Variants in MGST1 observed in about 807,000 individuals in gnomAD.
The protein encoded by MGST1 is glutathione S-transferase 12.
Under a neutral mutation model 8.9 loss-of-function variants are expected in MGST1, and 5 were observed. The observed-to-expected ratio is 0.56, with a 90% confidence interval of 0.29 to 1.19. MGST1 has a LOEUF of 1.19. Ranked by LOEUF, MGST1 falls within the 50% of genes most tolerant of loss-of-function variation. MGST1 has a pLI of 0.08. For synonymous variants in MGST1, 54 were observed against 67.8 expected (o/e 0.80, Z 1.00); for missense variants, 182 against 187.4 (o/e 0.97, Z 0.17).
chr12:16,508,408 C>A (rs1212689805), intron 4 of MGST1, among the ~76,000 whole-genome samples: 1 of 152,128 alleles, frequency 6.6e-6, no homozygotes, highest in Non-Finnish European at 1.5e-5. Flanking sequence ...TAGCGATGGT[C>A]TCTGTCAGCC....
intron 4 of MGST1, among the ~76,000 whole-genome samples, chr12:16,469,178 C>CCT (rs1941275378): frequency 1.3e-5 from 1 of 77,520 alleles, no homozygotes; most frequent in Non-Finnish European, 2.3e-5. Flanking sequence ...TGCTCTATTC[C>CCT]TTTTTTTTTT....
At chr12:16,590,908 A>C (rs1265954728), downstream of MGST1, among the ~76,000 whole-genome samples, 1 of 152,048 alleles carries the variant, frequency 6.6e-6, no homozygotes, top group Admixed American at 6.6e-5. Context: ...ACTTAATCAC[A>C]CAGGGTCATC....
chr12:16,554,489 C>T (rs1476826884), intron 4 of MGST1, among the ~76,000 whole-genome samples: 2 of 152,148 alleles, frequency 1.3e-5, no homozygotes, highest in African/African-American at 2.4e-5. Context: ...TGTACTCATT[C>T]CTCCACTATA....
At chr12:16,526,361 C>T (rs569471797) in intron 4 of MGST1, among the ~76,000 whole-genome samples, 1 of 152,042 alleles carries the variant, frequency 6.6e-6, no homozygotes, top group African/African-American at 2.4e-5. Flanking sequence ...AAACAAAGCT[C>T]TCCTGACCCC....
intron 4 of MGST1, among the ~76,000 whole-genome samples, chr12:16,543,982 A>G (rs961261569): frequency 1.3e-5 from 2 of 152,086 alleles, no homozygotes; most frequent in Admixed American, 1.3e-4. Context: ...TCAGTGTCCA[A>G]CTAGTGTAAA....
intron 4 of MGST1, among the ~76,000 whole-genome samples, chr12:16,570,154 T>G (rs1430361221): frequency 6.6e-6 from 1 of 152,204 alleles, no homozygotes; most frequent in Non-Finnish European, 1.5e-5. Context: ...TTTTTTGTGA[T>G]AGTCTATTCT....
intron 2 of MGST1, chr12:16,354,786 A>T (rs1438634794): frequency 1.3e-5 from 2 of 152,656 alleles, no homozygotes; most frequent in Admixed American, 6.5e-5. Flanking sequence ...AAAAATAGAA[A>T]AAAAAAGAAG....
chr12:16,355,962 C>A (rs1357940570), intron 2 of MGST1, among the ~76,000 whole-genome samples: 1 of 152,110 alleles, frequency 6.6e-6, no homozygotes, highest in African/African-American at 2.4e-5. Flanking sequence ...TCAGTGAGGG[C>A]CCAGTTCCTG....
At chr12:16,381,395 A>G (rs1291481424), downstream of MGST1, among the ~76,000 whole-genome samples, 1 of 152,126 alleles carries the variant, frequency 6.6e-6, no homozygotes, top group African/African-American at 2.4e-5. Context: ...TCTTTCACTT[A>G]TGAAGCTTAG....
rs189055197 is a variant in MGST1 at position 16,584,005 on chromosome 12, A to G, written n.483-5523A>G. Among the ~76,000 whole-genome samples, 4 of 152,228 alleles carry G rather than the reference A, an allele frequency of 2.6e-5. No individual in the cohort carries two copies. The highest frequency in any genetic ancestry group is 4.4e-5 in the Non-Finnish European group (3 of 68,038). The stretch of plus-strand genomic sequence containing the variant: ...GATTCCTGAGATGAAATACTTTTCC[A>G]TAAGGAAAAGACACTGTATATAATT... On this transcript the variant is annotated intron_variant and non_coding_transcript_variant, in intron 4 of 4. Coordinates refer to the MGST1 transcript ENST00000538857. The surrounding 1 kb of genome is among the most constrained non-coding windows in gnomAD (Gnocchi z 5.2).
chr12:16,522,761 G>T (rs1355988587), intron 4 of MGST1, among the ~76,000 whole-genome samples: 1 of 152,068 alleles, frequency 6.6e-6, no homozygotes, highest in African/African-American at 2.4e-5. Flanking sequence ...TTTCAACTCT[G>T]TTTCTGCAGT....
chr12:16,512,723 G>A (rs1178964824), intron 4 of MGST1, among the ~76,000 whole-genome samples: 4 of 152,158 alleles, frequency 2.6e-5, no homozygotes, highest in Admixed American at 6.5e-5. Context: ...TCATCAGTGC[G>A]CTTTTTCAAA....
At chr12:16,502,408 A>AT (rs200001836) in intron 4 of MGST1, among the ~76,000 whole-genome samples, 5 of 152,172 alleles carry the variant, frequency 3.3e-5, no homozygotes, top group Admixed American at 6.5e-5. Flanking sequence ...CACCTCAAAG[A>AT]TTTTTTCTGA....
chr12:16,504,905 A>C (rs1376985459), intron 4 of MGST1, among the ~76,000 whole-genome samples: 2 of 152,162 alleles, frequency 1.3e-5, no homozygotes, highest in African/African-American at 4.8e-5. Context: ...CTTTTTTAAA[A>C]ACAAACAAAT....
chr12:16,466,085 C>G (rs780332279), intron 4 of MGST1, among the ~76,000 whole-genome samples: 3 of 152,284 alleles, frequency 2.0e-5, no homozygotes, highest in Non-Finnish European at 4.4e-5. Context: ...TGTGTAAAGA[C>G]CTAAATGGTG....
rs1235864263 is a variant in MGST1 at position 16,582,619 on chromosome 12, A to G, written n.483-6909A>G. Among the ~76,000 whole-genome samples, 1 of 152,214 alleles carries G rather than the reference A, an allele frequency of 6.6e-6. No homozygotes were observed. Among genetic ancestry groups the G allele is most frequent in the Non-Finnish European group, 1.5e-5 (1 of 68,034 alleles). ...TACGGGTAGAGATTGAGCCATCACA[A>G]TAAGAGGAGGGATTGAAACCATGAG... On this transcript the variant is annotated intron_variant and non_coding_transcript_variant, in intron 4 of 4. Transcript: ENST00000538857. This position sits in a 1 kb window ranked among gnomAD's most constrained non-coding sequence, Gnocchi z 4.1.
intron 4 of MGST1, among the ~76,000 whole-genome samples, chr12:16,481,152 C>T (rs1275335939): frequency 6.6e-6 from 1 of 151,954 alleles, no homozygotes; most frequent in African/African-American, 2.4e-5. Context: ...CAAAAAAAGC[C>T]CTCACTTACT....
chr12:16,400,917 G>T, intron 1 of MGST1: 1 of 1,268,666 alleles, frequency 7.9e-7, no homozygotes, highest in Non-Finnish European at 1.2e-6. Flanking sequence ...TGAGCTTTCT[G>T]AATCTCCTGT....
At chr12:16,443,185 T>C (rs1941052179), downstream of MGST1, among the ~76,000 whole-genome samples, 1 of 151,832 alleles carries the variant, frequency 6.6e-6, no homozygotes, top group African/African-American at 2.4e-5. Flanking sequence ...ATCTTTCTTA[T>C]GCTAAGTATT....
Sources: gnomAD v4.1 joint callset for allele counts (sites outside exome capture counted in the v4.1 genomes callset) on GRCh38, gnomAD v4.1.1 for gene constraint, Gnocchi (gnomAD v3.1) non-coding constraint, MANE v1.5 for transcripts, NCBI Gene and HGNC (gene_info 2026-07-23, HGNC 2026-07-21) for gene names.